The following PDSS2 variants were observed in gnomAD, a reference collection of about 807,000 sequenced individuals.
PDSS2 encodes the protein all trans-polyprenyl-diphosphate synthase PDSS2.
PDSS2 carries 31 observed loss-of-function variants against 44.5 expected under a neutral mutation model. That is an observed-to-expected ratio of 0.70 (90% confidence interval 0.52 to 0.94). The LOEUF is 0.94. Among genes scored for constraint, PDSS2 ranks in the 40% least tolerant of loss-of-function variants. The probability of loss-of-function intolerance (pLI) is 0.00; values close to 1 mark genes in which losing one functional copy is unlikely to be tolerated. For missense variants in PDSS2, 452 were observed against 482.2 expected (o/e 0.94, Z 0.59); for synonymous variants, 157 against 180.3 (o/e 0.87, Z 1.03).
chr6:107,411,879 C>CTTTTTTT (rs145161415), intron 1 of PDSS2, among the ~76,000 whole-genome samples: 4 of 93,880 alleles, frequency 4.3e-5, no homozygotes, highest in African/African-American at 1.2e-4. Context: ...TCTTCTTCTT[C>CTTTTTTT]TTTTTTTTTT....
At chr6:107,337,914 T>C (rs563021156) in intron 1 of PDSS2, among the ~76,000 whole-genome samples, 8 of 152,310 alleles carry the variant, frequency 5.3e-5, no homozygotes, top group African/African-American at 1.9e-4. Context: ...GAAGCTGTAA[T>C]GAACTGGGTG....
At chr6:107,292,617 A>G (rs970584564) in intron 2 of PDSS2, among the ~76,000 whole-genome samples, 1 of 152,236 alleles carries the variant, frequency 6.6e-6, no homozygotes, top group African/African-American at 2.4e-5. Context: ...ATCAATGAAC[A>G]CACCTATGAG....
intron 3 of PDSS2, 21 bp from the exon 4 acceptor site, chr6:107,245,640 T>G (rs751291106): frequency 2.6e-5 from 38 of 1,465,074 alleles, no homozygotes; most frequent in Non-Finnish European, 3.3e-5. Flanking sequence ...AGAAGAAAAA[T>G]AAAAATAAAA....
chr6:107,296,811 C>T (rs749433759), intron 2 of PDSS2, among the ~76,000 whole-genome samples: 1 of 152,110 alleles, frequency 6.6e-6, no homozygotes, highest in Admixed American at 6.5e-5. Context: ...GTACTGCATA[C>T]TTAGTAAACA....
chr6:107,221,770 G>GAAC (rs759737356), intron 4 of PDSS2, among the ~76,000 whole-genome samples: 115 of 152,102 alleles, frequency 7.6e-4, no homozygotes, highest in Non-Finnish European at 1.3e-3. Context: ...ACTCACATGA[G>GAAC]AACAAACTGC....
At chr6:107,409,693 A>C (rs1780430509) in intron 1 of PDSS2, among the ~76,000 whole-genome samples, 1 of 152,244 alleles carries the variant, frequency 6.6e-6, no homozygotes, top group Admixed American at 6.5e-5. Flanking sequence ...GTGCTTATGT[A>C]CTAGGCACTG....
At chr6:107,232,563 C>T (rs1774086926) in intron 4 of PDSS2, among the ~76,000 whole-genome samples, 1 of 152,188 alleles carries the variant, frequency 6.6e-6, no homozygotes, top group Non-Finnish European at 1.5e-5. Flanking sequence ...CAATCCTTCA[C>T]TATCATTTCT....
intron 2 of PDSS2, among the ~76,000 whole-genome samples, chr6:107,314,157 G>C (rs568027447): frequency 6.6e-6 from 1 of 152,134 alleles, no homozygotes; most frequent in South Asian, 2.1e-4. Flanking sequence ...TAGTATTATG[G>C]ATGTTATATA....
At chr6:107,210,697 C>G (rs764812218) in intron 5 of PDSS2, 127 bp from the exon 6 acceptor site, 10 of 672,952 alleles carry the variant, frequency 1.5e-5, no homozygotes, top group Non-Finnish European at 2.3e-5. Context: ...TTTAGATATA[C>G]TTTAATAAAC....
intron 2 of PDSS2, among the ~76,000 whole-genome samples, chr6:107,297,260 T>G (rs1355223591): frequency 6.6e-6 from 1 of 152,190 alleles, no homozygotes; most frequent in African/African-American, 2.4e-5. Flanking sequence ...TATGAATTGC[T>G]TTTTCATAAT....
intron 1 of PDSS2, among the ~76,000 whole-genome samples, chr6:107,412,842 A>G (rs575351824): frequency 2.0e-5 from 3 of 152,200 alleles, no homozygotes; most frequent in African/African-American, 7.2e-5. Flanking sequence ...CTGAGTATAC[A>G]ACATAAAGGA....
At chr6:107,258,544 G>A (rs1775103087) in intron 3 of PDSS2, among the ~76,000 whole-genome samples, 1 of 152,058 alleles carries the variant, frequency 6.6e-6, no homozygotes, top group Admixed American at 6.6e-5. Flanking sequence ...GCTCACGCCT[G>A]TAATCCCAGC....
chr6:107,273,901 T>C (rs1417778354), intron 3 of PDSS2, 128 bp downstream of exon 3: 1 of 749,910 alleles, frequency 1.3e-6, no homozygotes, highest in Non-Finnish European at 2.4e-6. Context: ...TTCATCACAG[T>C]TTTACTGTTT....
chr6:107,362,254 AGAGGTCCC>A, intron 1 of PDSS2, among the ~76,000 whole-genome samples: 1 of 152,074 alleles, frequency 6.6e-6, no homozygotes. Context: ...GTGGGACATG[AGAGGTCCC>A]AAAAGGAAAT....
chr6:107,390,241 T>C (rs1779738518), intron 1 of PDSS2, among the ~76,000 whole-genome samples: 1 of 152,102 alleles, frequency 6.6e-6, no homozygotes, highest in Non-Finnish European at 1.5e-5. Flanking sequence ...TAGAGAAATC[T>C]GCCAGACACT....
At chr6:107,214,849 C>G (rs1773359921) in intron 4 of PDSS2, among the ~76,000 whole-genome samples, 1 of 152,172 alleles carries the variant, frequency 6.6e-6, no homozygotes, top group Non-Finnish European at 1.5e-5. Flanking sequence ...AACTCCTGAG[C>G]TCAAGCAATC....
chr6:107,296,929 G>A (rs934515183), intron 2 of PDSS2, among the ~76,000 whole-genome samples: 4 of 151,996 alleles, frequency 2.6e-5, no homozygotes, highest in South Asian at 4.1e-4. Context: ...AGAAAAATAC[G>A]AAAATGAAAC....
intron 2 of PDSS2, among the ~76,000 whole-genome samples, chr6:107,293,667 G>A (rs1167577301): frequency 1.3e-5 from 2 of 152,086 alleles, no homozygotes; most frequent in Non-Finnish European, 2.9e-5. Flanking sequence ...ACTGCTTCAG[G>A]CACAACTGGA....
chr6:107,265,907 T>G (rs745372458), intron 3 of PDSS2, among the ~76,000 whole-genome samples: 1 of 152,166 alleles, frequency 6.6e-6, no homozygotes, highest in Non-Finnish European at 1.5e-5. Context: ...GCCACTGCAC[T>G]CCAGCCTGGG....
Sources: allele counts gnomAD v4.1 joint callset (sites outside exome capture counted in the v4.1 genomes callset), GRCh38; gene constraint gnomAD v4.1.1; transcripts MANE v1.5; gene names NCBI Gene and HGNC (gene_info 2026-07-23, HGNC 2026-07-21).